The following C2orf92 variants were observed in gnomAD, a reference collection of about 807,000 sequenced individuals.
C2orf92 encodes chromosome 2 open reading frame 92, also known as uncharacterized protein C2orf92.
chr2:97,679,985 C>T (rs556685628), intron 3 of C2orf92, among the ~76,000 whole-genome samples: 12 of 151,856 alleles, frequency 7.9e-5, no homozygotes, highest in African/African-American at 2.7e-4. Flanking sequence ...TGACCAAAAA[C>T]ACAACACACA....
At chr2:97,664,006 C>T (rs1371683678), upstream of C2orf92, 4 of 541,770 alleles carry the variant, frequency 7.4e-6, no homozygotes, top group Middle Eastern at 6.4e-4. Flanking sequence ...GCCCTCCCTC[C>T]CCGAGCCTGC....
chr2:97,677,194 C>G (rs1446817079), intron 3 of C2orf92, among the ~76,000 whole-genome samples: 1 of 152,114 alleles, frequency 6.6e-6, no homozygotes, highest in African/African-American at 2.4e-5. Flanking sequence ...ATTGCTGGTG[C>G]CAGGGTGGGC....
Position 97,678,143 on chromosome 2 carries a change from T to G in C2orf92, c.232+2215T>G, listed in dbSNP as rs183786988. ...TGAACCCAGGAGGCAGAGCTTGCAGTGAGCCGAGATCGCGCCATTGCACTC... is the reference window on the plus strand; with the variant it reads ...TGAACCCAGGAGGCAGAGCTTGCAGGGAGCCGAGATCGCGCCATTGCACTC... On this transcript the variant is annotated intron_variant, in intron 3 of 7. Transcript: ENST00000627399. Among the ~76,000 whole-genome samples, 14 of 151,112 alleles carry G rather than the reference T, an allele frequency of 9.3e-5. No individual in the cohort carries two copies. The South Asian group carries it at 2.7e-3, about 29-fold the overall frequency.
chr2:97,694,228 T>C (rs556044094), intron 5 of C2orf92, among the ~76,000 whole-genome samples: 27 of 151,946 alleles, frequency 1.8e-4, no homozygotes, highest in African/African-American at 6.5e-4. Flanking sequence ...TATTTCAAAA[T>C]GTCCTTTCTT....
chr2:97,701,376 C>G (rs1440940695), intron 7 of C2orf92, 72 bp downstream of exon 7: 3 of 396,078 alleles, frequency 7.6e-6, no homozygotes, highest in African/African-American at 6.2e-5. Flanking sequence ...CTCAGGGCTT[C>G]CTGCTGATCT....
At chr2:97,691,950 G>T (rs1676154792) in intron 5 of C2orf92, among the ~76,000 whole-genome samples, 1 of 152,152 alleles carries the variant, frequency 6.6e-6, no homozygotes, top group Non-Finnish European at 1.5e-5. Flanking sequence ...TGTCGGACTA[G>T]TTCCCCTTTT....
chr2:97,666,529 C>CAA (rs34223345), upstream of C2orf92, among the ~76,000 whole-genome samples: 715 of 69,836 alleles, frequency 0.01, 36 homozygotes, highest in East Asian at 0.15. Flanking sequence ...GACTCCGTCT[C>CAA]AAAAAAAAAA....
At chr2:97,674,862 G>T (rs1465721192) in intron 2 of C2orf92, among the ~76,000 whole-genome samples, 2 of 152,158 alleles carry the variant, frequency 1.3e-5, no homozygotes, top group Non-Finnish European at 2.9e-5. Flanking sequence ...TGCAAGTGGG[G>T]TTCACTGTTC....
intron 5 of C2orf92, among the ~76,000 whole-genome samples, chr2:97,692,199 T>TA (rs1265136607): frequency 1.3e-5 from 2 of 152,172 alleles, no homozygotes; most frequent in Non-Finnish European, 2.9e-5. Flanking sequence ...AAGTTTTCCT[T>TA]ACATAGATTT....
At chr2:97,674,245 G>A (rs1573202789) in intron 1 of C2orf92, 1 of 367,834 alleles carries the variant, frequency 2.7e-6, no homozygotes, top group East Asian at 3.9e-5. Flanking sequence ...TCTTTAGTGG[G>A]CGGTGTTTGC....
upstream of C2orf92, among the ~76,000 whole-genome samples, chr2:97,666,750 G>A (rs1484875451): frequency 2.0e-5 from 3 of 151,514 alleles, no homozygotes; most frequent in East Asian, 1.9e-4. Context: ...GGCTGAGGTG[G>A]GAGGTTGGCT....
chr2:97,664,943 A>G (rs553596792), upstream of C2orf92, among the ~76,000 whole-genome samples: 10 of 152,316 alleles, frequency 6.6e-5, no homozygotes, highest in African/African-American at 1.9e-4. Context: ...GTTTCGTGGT[A>G]TTTTGGTCCT....
At chr2:97,694,818 C>T (rs936585611) in intron 5 of C2orf92, among the ~76,000 whole-genome samples, 1 of 152,136 alleles carries the variant, frequency 6.6e-6, no homozygotes, top group African/African-American at 2.4e-5. Flanking sequence ...TGCTGTTTCC[C>T]ATCATGGCGG....
At chr2:97,698,276 G>A (rs1676372488) in intron 5 of C2orf92, among the ~76,000 whole-genome samples, 1 of 152,154 alleles carries the variant, frequency 6.6e-6, no homozygotes, top group South Asian at 2.1e-4. Flanking sequence ...CCTGCATCTG[G>A]CAAAGATAGG....
chr2:97,670,909 C>T (rs182986966), intron 1 of C2orf92: 1 of 152,168 alleles, frequency 6.6e-6, no homozygotes, highest in East Asian at 1.9e-4. Flanking sequence ...TTTTAGTATA[C>T]TCATAGAGTT....
upstream of C2orf92, among the ~76,000 whole-genome samples, chr2:97,666,423 G>C (rs1675231557): frequency 6.6e-6 from 1 of 151,040 alleles, no homozygotes; most frequent in South Asian, 2.1e-4. Context: ...TGTTGTCCCA[G>C]CTACTCAGGA....
At chr2:97,673,181 A>G (rs1675471252) in intron 1 of C2orf92, among the ~76,000 whole-genome samples, 1 of 152,150 alleles carries the variant, frequency 6.6e-6, no homozygotes, top group Non-Finnish European at 1.5e-5. Context: ...ACAAGCTTCA[A>G]AACTCTCTGA....
intron 3 of C2orf92, among the ~76,000 whole-genome samples, chr2:97,682,972 A>G (rs755776344): frequency 2.0e-5 from 3 of 152,050 alleles, no homozygotes; most frequent in Non-Finnish European, 4.4e-5. Context: ...AGCCAGAGTC[A>G]TTAGGCAAAA....
At chr2:97,678,050 ATT>A (rs1199563586) in intron 3 of C2orf92, among the ~76,000 whole-genome samples, 1 of 151,992 alleles carries the variant, frequency 6.6e-6, no homozygotes, top group Non-Finnish European at 1.5e-5. Context: ...AATACAAAAA[ATT>A]AGCAGGGCGT....
Sources: allele counts gnomAD v4.1 joint callset (sites outside exome capture counted in the v4.1 genomes callset), GRCh38; gene constraint gnomAD v4.1.1; transcripts MANE v1.5; gene names NCBI Gene and HGNC (gene_info 2026-07-23, HGNC 2026-07-21).